Variants in ACSBG1 observed in about 807,000 individuals in gnomAD.
ACSBG1 encodes the protein acyl-CoA synthetase bubblegum family member 1.
A neutral mutation model predicts 80.2 loss-of-function variants in ACSBG1; 39 were observed. The ratio of observed to expected loss-of-function variants is 0.49; its 90% confidence interval spans 0.38 to 0.64. The LOEUF (loss-of-function observed/expected upper bound fraction) is 0.64. Among genes scored for constraint, ACSBG1 ranks in the 30% least tolerant of loss-of-function variants. The pLI, the probability that ACSBG1 is intolerant of heterozygous loss-of-function variation, is 0.00. For missense variants in ACSBG1, 828 were observed against 966.4 expected (o/e 0.86, Z 1.90); for synonymous variants, 392 against 379.5 (o/e 1.03, Z -0.38).
rs1252737563 is a variant in ACSBG1, at chr15:78,174,564, C to G, written c.1703-40G>C. The G allele has an allele frequency of 5.0e-6, 8 of 1,589,152 alleles. No homozygotes were observed. The Admixed American group carries it at 8.6e-5, about 17-fold the overall frequency. On this transcript the variant is annotated intron_variant, in intron 11 of 13. Transcript: ENST00000258873. ...CCAGGCCCCCGGCACAGAATGTAGT[C>G]CAGGTGCCCCAGCTGAACCACAACC...
At position 78,168,945 on chromosome 15, in the gene ACSBG1, C is replaced by T; in HGVS notation, c.*2499G>A. 6.2e-7 allele frequency: 1 copy of T among 1,601,956 alleles called. No individual in the cohort carries two copies. Among genetic ancestry groups the T allele is most frequent in the Non-Finnish European group, 8.5e-7 (1 of 1,170,174 alleles). ...AGAGCTTGACAAAAGATTTGGGAGGCAATGCAAAATGCTCAGACTTCACAG... is the reference window on the plus strand; with the variant it reads ...AGAGCTTGACAAAAGATTTGGGAGGTAATGCAAAATGCTCAGACTTCACAG... On this transcript the variant is annotated 3_prime_UTR_variant, in exon 14 of 14. Coordinates refer to ENST00000258873, the MANE Select transcript of ACSBG1 (RefSeq NM_015162.5).
At chr15:78,203,992 C>G (rs2075191163) in intron 2 of ACSBG1, among the ~76,000 whole-genome samples, 1 of 152,178 alleles carries the variant, frequency 6.6e-6, no homozygotes, top group African/African-American at 2.4e-5. Context: ...GAGGAAGAGG[C>G]CACATTGGCC....
chr15:78,178,503 T>C lies in ACSBG1; in HGVS notation c.1702+111A>G, dbSNP rs2074905710. On this transcript the variant is annotated intron_variant, in intron 11 of 13. Transcript: ENST00000258873. This position sits in a 1 kb window ranked among gnomAD's most constrained non-coding sequence, Gnocchi z 4.3. Reference sequence around the variant, plus strand: ...TTTTAGTAGAGATGGGGTTTCGCTGTGCTGCCCAGGGTGGTCTTGAACTCC... The same window carrying C: ...TTTTAGTAGAGATGGGGTTTCGCTGCGCTGCCCAGGGTGGTCTTGAACTCC... The C allele has an allele frequency of 8.3e-7, 1 of 1,206,914 alleles. No individual in the cohort carries two copies. The highest frequency in any genetic ancestry group is 2.8e-5 in the Admixed American group (1 of 35,794). 74.8% of individuals were successfully genotyped at this position (1,206,914 alleles called of 1,614,324 possible).
At chr15:78,200,386 A>T (rs1362362566) in intron 2 of ACSBG1, among the ~76,000 whole-genome samples, 2 of 152,048 alleles carry the variant, frequency 1.3e-5, no homozygotes, top group African/African-American at 4.8e-5. Context: ...AGCTCAGCTG[A>T]GCCAGCAGGA....
rs1398451747 is a variant in ACSBG1, at chr15:78,167,591, A to G, written c.*3853T>C. ...AGTACATTCACATTGTAATGTAACC[A>G]TCACCATCAGTCATCTCCAGACCAG... On this transcript the variant is annotated 3_prime_UTR_variant, in exon 14 of 14. Transcript: ENST00000258873. The G allele has an allele frequency of 3.3e-5, 5 of 152,242 alleles. No homozygotes were observed. Among genetic ancestry groups the G allele is most frequent in the Non-Finnish European group, 1.5e-5 (1 of 68,048 alleles). The allele number at this position is 152,242 out of a possible 1,614,324, so 9.4% of individuals were successfully genotyped here.
intron 1 of ACSBG1, among the ~76,000 whole-genome samples, chr15:78,228,702 G>T (rs1311670285): frequency 2.0e-5 from 3 of 152,218 alleles, no homozygotes; most frequent in African/African-American, 7.2e-5. Flanking sequence ...TTGGGCTCTT[G>T]ACACCAGCAC....
intron 11 of ACSBG1, among the ~76,000 whole-genome samples, chr15:78,176,521 A>T (rs1179322531): frequency 6.6e-6 from 1 of 152,154 alleles, no homozygotes; most frequent in Non-Finnish European, 1.5e-5. Flanking sequence ...GAGAAAAAAA[A>T]TTTTGCGGCA....
intron 9 of ACSBG1, 64 bp from the exon 10 acceptor site, chr15:78,179,844 T>TAC: frequency 3.1e-6 from 2 of 647,588 alleles, no homozygotes; most frequent in Admixed American, 5.0e-5. Flanking sequence ...CACACACACA[T>TAC]ACACACATTA....
At chr15:78,181,068 G>T in intron 8 of ACSBG1, 132 bp from the exon 9 acceptor site, 1 of 831,200 alleles carries the variant, frequency 1.2e-6, no homozygotes, top group Non-Finnish European at 1.7e-6. Flanking sequence ...GCACGCAAGG[G>T]TGGCACATAC....
chr15:78,168,373 C>T lies in ACSBG1; in HGVS notation c.*3071G>A, dbSNP rs984023228. ...GTATGGTGGCATGCACTTGTAATTC[C>T]AGCTATTCAGGACGCTGAGGCAGGA... On this transcript the variant is annotated 3_prime_UTR_variant, in exon 14 of 14. Coordinates refer to ENST00000258873, the MANE Select transcript of ACSBG1 (RefSeq NM_015162.5). 6.6e-6 allele frequency: 1 copy of T among 151,896 alleles called. No individual in the cohort carries two copies. Among genetic ancestry groups the T allele is most frequent in the Non-Finnish European group, 1.5e-5 (1 of 67,984 alleles). The allele number at this position is 151,896 out of a possible 1,614,324, so 9.4% of individuals were successfully genotyped here.
chr15:78,191,712 G>A (rs944063023), intron 5 of ACSBG1, among the ~76,000 whole-genome samples: 6 of 152,234 alleles, frequency 3.9e-5, no homozygotes, highest in African/African-American at 9.6e-5. Context: ...TTTCACAGTG[G>A]AAGAAGAGAA....
At chr15:78,207,940 AG>A in intron 2 of ACSBG1, 61 bp downstream of exon 2, 1 of 322,288 alleles carries the variant, frequency 3.1e-6, no homozygotes. Flanking sequence ...CCACCCCTCC[AG>A]CACACCCAGC....
At chr15:78,192,046 T>G (rs887362013) in intron 5 of ACSBG1, among the ~76,000 whole-genome samples, 5 of 151,874 alleles carry the variant, frequency 3.3e-5, no homozygotes, top group African/African-American at 1.2e-4. Context: ...AATGGGAAAT[T>G]TGGACACAGA....
intron 1 of ACSBG1, among the ~76,000 whole-genome samples, chr15:78,223,193 G>A (rs979267552): frequency 2.6e-5 from 4 of 151,512 alleles, no homozygotes; most frequent in Admixed American, 6.6e-5. Flanking sequence ...TCTTGAACGC[G>A]CGATGTTGGA....
At chr15:78,193,402 G>T in intron 5 of ACSBG1, 104 bp downstream of exon 5, 1 of 1,491,538 alleles carries the variant, frequency 6.7e-7, no homozygotes, top group South Asian at 1.3e-5. Context: ...CGTTGAGGAT[G>T]AGGACACTCT....
chr15:78,204,425 C>A (rs1287125160), intron 2 of ACSBG1, among the ~76,000 whole-genome samples: 3 of 152,200 alleles, frequency 2.0e-5, no homozygotes, highest in Non-Finnish European at 4.4e-5. Context: ...AGAACCCGGG[C>A]ATCCCAGCCA....
chr15:78,222,591 C>A (rs1166404078), intron 1 of ACSBG1, among the ~76,000 whole-genome samples: 1 of 152,120 alleles, frequency 6.6e-6, no homozygotes, highest in Non-Finnish European at 1.5e-5. Flanking sequence ...TGAGCCCAGC[C>A]AGTGAGCCAG....
rs115763529 is a variant in ACSBG1 at position 78,211,624 on chromosome 15, A to G, written c.132-3522T>C. Reference sequence around the variant, plus strand: ...TACCCAGCAGCATGGGAACAAGAAAACAAAGGGCGTGTTTGAGCAAATATG... The same window carrying G: ...TACCCAGCAGCATGGGAACAAGAAAGCAAAGGGCGTGTTTGAGCAAATATG... On this transcript the variant is annotated intron_variant, in intron 1 of 13. Coordinates refer to ENST00000258873, the MANE Select transcript of ACSBG1 (RefSeq NM_015162.5). Among the ~76,000 whole-genome samples, 1,203 of 152,338 alleles carry G rather than the reference A, an allele frequency of 7.9e-3. 12 individuals carry two copies. The highest frequency in any genetic ancestry group is 0.027 in the African/African-American group (1,129 of 41,574).
chr15:78,224,037 C>T (rs2075380553), intron 1 of ACSBG1, among the ~76,000 whole-genome samples: 2 of 152,126 alleles, frequency 1.3e-5, no homozygotes, highest in African/African-American at 2.4e-5. Context: ...TTTAGCCCAC[C>T]GAAACCAATT....
Sources: allele counts gnomAD v4.1 joint callset (sites outside exome capture counted in the v4.1 genomes callset), GRCh38; gene constraint gnomAD v4.1.1; non-coding constraint Gnocchi (gnomAD v3.1); transcripts MANE v1.5; gene names NCBI Gene and HGNC (gene_info 2026-07-23, HGNC 2026-07-21).